MORN1: variants seen among roughly 807,000 people sequenced by gnomAD.
MORN1 encodes the protein MORN repeat containing 1.
MORN1 carries 67 observed loss-of-function variants against 61.9 expected under a neutral mutation model. That is an observed-to-expected ratio of 1.08 (90% CI 0.89 to 1.33). The LOEUF is 1.33. Ranked by LOEUF, MORN1 falls within the 40% of genes most tolerant of loss-of-function variation. MORN1 has a pLI of 0.00. For missense variants in MORN1, 752 were observed against 691.2 expected, an observed-to-expected ratio of 1.09 and a Z score of -0.99; for synonymous variants, 301 against 292.0, an observed-to-expected ratio of 1.03 and a Z score of -0.31.
At chr1:2,324,235 G>C in intron 12 of MORN1, 92 bp from the exon 13 acceptor site, 2 of 1,335,516 alleles carry the variant, frequency 1.5e-6, no homozygotes, top group Non-Finnish European at 2.1e-6. Flanking sequence ...GTGGCTCCAG[G>C]GCAGATTCAG....
At position 2,337,168 on chromosome 1, in the gene MORN1, G is replaced by T. The variant is rs146176144; in HGVS notation, c.1037-318C>A. Among the ~76,000 whole-genome samples the T allele has an allele frequency of 6.6e-6, 1 of 152,180 alleles. No homozygotes were observed. Among genetic ancestry groups the T allele is most frequent in the Non-Finnish European group, 1.5e-5 (1 of 68,024 alleles). ...CTCCCATCAGCAGCCCCCGTCAGCC[G>T]AGGCACTCGCTTCCAGGGTAGGGCC... On this transcript the variant is annotated intron_variant, in intron 10 of 13. Coordinates refer to ENST00000378531, the MANE Select transcript of MORN1 (RefSeq NM_024848.3). The surrounding 1 kb of genome is among the most constrained non-coding windows in gnomAD (Gnocchi z 5.7).
At position 2,352,193 on chromosome 1, in the gene MORN1, A is replaced by G. The variant is rs182536507; in HGVS notation, c.1036+5239T>C. 91 of 221,028 alleles carry G rather than the reference A, an allele frequency of 4.1e-4. No homozygotes were observed. In the East Asian group the frequency reaches 0.01, roughly 25 times the overall value. 13.7% of individuals were successfully genotyped at this position (221,028 alleles called of 1,614,324 possible). A position where few individuals can be genotyped will look rare whatever the true frequency, so the allele number is the denominator to read the frequency against. On this transcript the variant is annotated intron_variant, in intron 10 of 13. Coordinates refer to ENST00000378531, the MANE Select transcript of MORN1 (RefSeq NM_024848.3). The stretch of plus-strand genomic sequence containing the variant: ...TAATAAATGTATAGAGCAATTAAAA[A>G]AAAAAGAAGAAGGGGAGGGTGCTTC...
At chr1:2,387,574 G>A in intron 3 of MORN1, 45 bp from the exon 4 acceptor site, 1 of 1,438,056 alleles carries the variant, frequency 7.0e-7, no homozygotes, top group Non-Finnish European at 9.7e-7. Flanking sequence ...TTCAGTTCAG[G>A]GCTGCGGCCC....
At chr1:2,322,004 C>T (rs1255112333) in intron 13 of MORN1, 3 of 983,836 alleles carry the variant, frequency 3.0e-6, no homozygotes, top group Non-Finnish European at 3.6e-6. Flanking sequence ...CCTCCATAAA[C>T]TGTTTTTAAA....
chr1:2,323,656 C>T (rs1640932711), intron 13 of MORN1: 1 of 985,178 alleles, frequency 1.0e-6, no homozygotes, highest in Non-Finnish European at 1.2e-6. Flanking sequence ...GTCCCCACAG[C>T]AGCCCCCACG....
chr1:2,336,838 G>T lies in MORN1; in HGVS notation c.1049C>A (p.Ala350Glu), dbSNP rs201376833. The stretch of plus-strand genomic sequence containing the variant: ...CTGACAGGCCCCGGGACAATGGGGC[G>T]CATGTCCCCTGGCTGAGGAGACAGA... ...TPGGLLARGH[A>E]PHCPGACQRV... is the part of the protein sequence containing the mutation. The change falls in exon 11 of 14, where the codon GCG becomes GAG. Residue 350 changes from alanine (A) to glutamate (E), a missense_variant. Physicochemically the swap from Ala to Glu is moderately radical, Grantham distance 107 (BLOSUM62 -1). Transcript: ENST00000378531. 1.9e-6 allele frequency: 3 copies of T among 1,572,562 alleles called. No individual in the cohort carries two copies. Among genetic ancestry groups the T allele is most frequent in the Middle Eastern group, 1.7e-4 (1 of 5,812 alleles).
intron 3 of MORN1, chr1:2,387,774 A>G (rs895670796): frequency 2.3e-5 from 12 of 532,354 alleles, no homozygotes; most frequent in Non-Finnish European, 3.0e-5. Flanking sequence ...CCCGAGGGCA[A>G]AGGACCCTCT....
intron 6 of MORN1, among the ~76,000 whole-genome samples, chr1:2,379,446 C>T (rs1011829646): frequency 2.0e-5 from 3 of 152,156 alleles, no homozygotes; most frequent in Admixed American, 1.3e-4. Flanking sequence ...ACCTCGTGGC[C>T]CTGATCGATG....
At chr1:2,330,577 A>T (rs1341509699) in intron 12 of MORN1, among the ~76,000 whole-genome samples, 2 of 152,230 alleles carry the variant, frequency 1.3e-5, no homozygotes, top group Non-Finnish European at 2.9e-5. Flanking sequence ...CAAGTAAAAA[A>T]AATTAATTGA....
chr1:2,385,336 G>A (rs1393610200), intron 5 of MORN1: 6 of 533,172 alleles, frequency 1.1e-5, no homozygotes, highest in Non-Finnish European at 2.0e-5. Flanking sequence ...AATGACCCAG[G>A]AGAGGCAACG....
intron 10 of MORN1, chr1:2,355,383 G>A (rs866826917): frequency 1.3e-6 from 2 of 1,547,506 alleles, no homozygotes; most frequent in Middle Eastern, 1.7e-4. Context: ...TCTTTTATAT[G>A]ATGAATGACG....
Position 2,334,731 on chromosome 1 carries a change from A to G in MORN1, c.1250+1738T>C, listed in dbSNP as rs970274252. ...GGATTGAAACAATCCTAGTCCAACG[A>G]CACTTAACTCGAGGACAGTGCGAGC... On this transcript the variant is annotated intron_variant, in intron 12 of 13. Transcript: ENST00000378531. The surrounding 1 kb of genome is among the most constrained non-coding windows in gnomAD (Gnocchi z 5.4). Among the ~76,000 whole-genome samples, 5 of 152,208 alleles carry G rather than the reference A, an allele frequency of 3.3e-5. No homozygotes were observed. The highest frequency in any genetic ancestry group is 3.3e-4 in the Admixed American group (5 of 15,290).
intron 10 of MORN1, chr1:2,350,480 G>T (rs375462941): frequency 6.6e-6 from 1 of 152,272 alleles, no homozygotes; most frequent in African/African-American, 2.4e-5. Flanking sequence ...GTTTCTGGCT[G>T]CTCTCGGGTC....
At chr1:2,378,503 G>C (rs1184508190) in intron 6 of MORN1, 2 of 180,990 alleles carry the variant, frequency 1.1e-5, no homozygotes, top group Non-Finnish European at 2.3e-5. Context: ...GGAGGCTCGG[G>C]GACTGCGGCA....
At chr1:2,375,721 G>A (rs2100344896) in intron 6 of MORN1, 1 of 152,394 alleles carries the variant, frequency 6.6e-6, no homozygotes, top group South Asian at 2.1e-4. Flanking sequence ...GAGAGGCTGG[G>A]CAGCCAGCTC....
Position 2,385,848 on chromosome 1 carries a change from G to A in MORN1, c.408C>T (p.Phe136=), listed in dbSNP as rs571740736. The part of the protein sequence containing the change: ...DRDGQVYQGS[F]HDNKRHGPGQ... ...CAGGGCCGTGCCTCTTGTTGTCATG[G>A]AAGGAGCCCTGGTACACTTGTCCAT... Residue 136 remains phenylalanine, a synonymous_variant, in exon 5 of 14, where the codon TTC becomes TTT. Transcript: ENST00000378531. The A allele has an allele frequency of 6.2e-7, 1 of 1,613,968 alleles. No homozygotes were observed. Among genetic ancestry groups the A allele is most frequent in the South Asian group, 1.1e-5 (1 of 91,088 alleles).
chr1:2,335,834 A>AGCCCAGCCCAGCCCG lies in MORN1; in HGVS notation c.1250+634_1250+635insCGGGCTGGGCTGGGC, dbSNP rs1553208759. 6.3e-5 allele frequency among the ~76,000 whole-genome samples: 9 copies of AGCCCAGCCCAGCCCG among 143,018 alleles called. 1 individual carries two copies. The highest frequency in any genetic ancestry group is 2.7e-4 in the African/African-American group (9 of 33,246). The allele number at this position is 143,018 out of a possible 152,430, so 93.8% of individuals were successfully genotyped here. ...GGGGGCCTCCTCGCCTCCATAGCCC[A>AGCCCAGCCCAGCCCG]GCCCAGCCCAGCGCGCAGCTGCCCC... On this transcript the variant is annotated intron_variant, in intron 12 of 13. Coordinates refer to ENST00000378531, the MANE Select transcript of MORN1 (RefSeq NM_024848.3).
intron 10 of MORN1, among the ~76,000 whole-genome samples, chr1:2,354,994 A>G (rs1641728247): frequency 6.6e-6 from 1 of 152,196 alleles, no homozygotes; most frequent in Non-Finnish European, 1.5e-5. Context: ...ATCATCGTCA[A>G]GCCAGAAACA....
At position 2,374,534 on chromosome 1, in the gene MORN1, G is replaced by A. The variant is rs1642193039; in HGVS notation, c.561C>T (p.Phe187=). The A allele has an allele frequency of 3.1e-6, 5 of 1,599,638 alleles. No homozygotes were observed. Among genetic ancestry groups the A allele is most frequent in the Non-Finnish European group, 4.3e-6 (5 of 1,173,772 alleles). Residue 187 remains phenylalanine (F), a synonymous_variant, in exon 7 of 14, where the codon TTC becomes TTT. Transcript: ENST00000378531. ...TYKGQWHSDV[F]SGLGSMAHCS... is the part of the protein sequence containing the mutation. ...AGTGGGCCATGCTGCCCAGTCCACT[G>A]AAGACGTCGCTGTGCCACTGTCCCT...
Sources: allele counts gnomAD v4.1 joint callset (sites outside exome capture counted in the v4.1 genomes callset), GRCh38; gene constraint gnomAD v4.1.1; non-coding constraint Gnocchi (gnomAD v3.1); transcripts MANE v1.5; gene names NCBI Gene and HGNC (gene_info 2026-07-23, HGNC 2026-07-21).